The following JMJD1C variants were observed in gnomAD, a reference collection of about 807,000 sequenced individuals.
JMJD1C encodes the protein jumonji domain-containing protein 1C.
A neutral mutation model predicts 245.3 loss-of-function variants in JMJD1C; 31 were observed. The observed-to-expected ratio is 0.13, with a 90% confidence interval of 0.09 to 0.17. The LOEUF is 0.17. Among genes scored for constraint, JMJD1C ranks in the 10% least tolerant of loss-of-function variants. The pLI is 1.00. For missense variants in JMJD1C, 2,691 were observed against 3,000.2 expected (o/e 0.90, Z 2.41); for synonymous variants, 1,057 against 1,017.4 (o/e 1.04, Z -0.74).
chr10:63,317,493 G>A (rs189701701), intron 2 of JMJD1C, among the ~76,000 whole-genome samples: 1 of 152,076 alleles, frequency 6.6e-6, no homozygotes. Context: ...TTGAATGTAT[G>A]TCTCTACTGA....
At chr10:63,482,664 A>C (rs1953866455) in intron 1 of JMJD1C, among the ~76,000 whole-genome samples, 1 of 152,060 alleles carries the variant, frequency 6.6e-6, no homozygotes, top group Non-Finnish European at 1.5e-5. Context: ...AGAGAGAGAG[A>C]GACCCCAAAC....
chr10:63,377,921 C>CAAAAAA (rs11364665), intron 2 of JMJD1C, among the ~76,000 whole-genome samples: 3 of 139,682 alleles, frequency 2.1e-5, no homozygotes, highest in Non-Finnish European at 3.1e-5. Flanking sequence ...AATAGTATGG[C>CAAAAAA]AAAAAAAAAA....
intron 14 of JMJD1C, chr10:63,193,715 G>A: frequency 3.8e-6 from 1 of 264,648 alleles, no homozygotes; most frequent in Middle Eastern, 1.3e-3. Context: ...CACCCAGGCT[G>A]GAGTGCAGTG....
In JMJD1C at chr10:63,209,050, C is replaced by A. The variant is rs569189225; in HGVS notation, c.2867+13G>T. On this transcript the variant is annotated intron_variant, in intron 9 of 25. Coordinates refer to ENST00000399262, the MANE Select transcript of JMJD1C (RefSeq NM_032776.3). ...ACAAGGTATTTATAATTTTTAAGCACTGGTGAACTTACTCCTTATGATGAT... is the reference window on the plus strand; with the variant it reads ...ACAAGGTATTTATAATTTTTAAGCAATGGTGAACTTACTCCTTATGATGAT... 1.0e-5 allele frequency: 16 copies of A among 1,593,952 alleles called. No individual in the cohort carries two copies. The highest frequency in any genetic ancestry group is 1.7e-4 in the Middle Eastern group (1 of 5,970).
intron 1 of JMJD1C, among the ~76,000 whole-genome samples, chr10:63,488,333 G>GT (rs1290495711): frequency 6.6e-6 from 1 of 152,112 alleles, no homozygotes. Context: ...TGGGAAAATA[G>GT]TATTTGTAAA....
At chr10:63,386,671 G>A (rs533833864) in intron 1 of JMJD1C, among the ~76,000 whole-genome samples, 1 of 152,328 alleles carries the variant, frequency 6.6e-6, no homozygotes, top group East Asian at 1.9e-4. Flanking sequence ...CAGGCCTGGA[G>A]ACTGATTTAG....
chr10:63,253,387 CTT>C (rs199689399), intron 3 of JMJD1C, among the ~76,000 whole-genome samples: 16 of 143,966 alleles, frequency 1.1e-4, no homozygotes, highest in Admixed American at 1.4e-4. Flanking sequence ...TATATTACAC[CTT>C]TTTTTTTTTT....
At chr10:63,206,510 GCTCA>G (rs1846641845) in intron 10 of JMJD1C, 81 bp downstream of exon 10, 1 of 1,065,280 alleles carries the variant, frequency 9.4e-7, no homozygotes, top group African/African-American at 1.6e-5. Context: ...ATGCCTTTAA[GCTCA>G]CTGATCTTTA....
At chr10:63,461,817 T>C (rs1421138913) in intron 1 of JMJD1C, among the ~76,000 whole-genome samples, 3 of 152,160 alleles carry the variant, frequency 2.0e-5, no homozygotes, top group African/African-American at 7.2e-5. Context: ...GATGGGTGTA[T>C]GGATGAATGG....
intron 2 of JMJD1C, among the ~76,000 whole-genome samples, chr10:63,335,742 A>T (rs761415875): frequency 5.3e-5 from 8 of 151,942 alleles, no homozygotes; most frequent in Non-Finnish European, 1.2e-4. Flanking sequence ...AACTCCTGAC[A>T]TCAAGTGATC....
chr10:63,512,914 T>G (rs1428530731), intron 1 of JMJD1C, among the ~76,000 whole-genome samples: 1 of 152,222 alleles, frequency 6.6e-6, no homozygotes, highest in Non-Finnish European at 1.5e-5. Flanking sequence ...TTTCCAGTTT[T>G]GGAAGCTTTT....
At position 63,505,312 on chromosome 10, in the gene JMJD1C, G is replaced by A. The variant is rs1385387694; in HGVS notation, n.113+16426C>T. Among the ~76,000 whole-genome samples the A allele has an allele frequency of 8.6e-5, 11 of 128,064 alleles. No homozygotes were observed. The South Asian group carries it at 2.3e-3, about 27-fold the overall frequency. 84.0% of individuals were successfully genotyped at this position (128,064 alleles called of 152,430 possible). On this transcript the variant is annotated intron_variant and non_coding_transcript_variant, in intron 1 of 3. Transcript: ENST00000633035. ...AGCCTGGGTGACAGTAGGAGAGTCC[G>A]TCTCAAAAAAAAAAAAAAAAAAGCT...
intron 2 of JMJD1C, among the ~76,000 whole-genome samples, chr10:63,336,892 G>A (rs1050744556): frequency 6.6e-6 from 1 of 151,994 alleles, no homozygotes; most frequent in African/African-American, 2.4e-5. Flanking sequence ...TGCCCCTGGA[G>A]TGCAGTTGCG....
chr10:63,410,136 C>A (rs143642104), intron 1 of JMJD1C, among the ~76,000 whole-genome samples: 5 of 152,256 alleles, frequency 3.3e-5, no homozygotes, highest in Admixed American at 1.3e-4. Flanking sequence ...AAACTAACGA[C>A]AAGCAGACCC....
At chr10:63,277,259 C>A (rs1236188678) in intron 2 of JMJD1C, among the ~76,000 whole-genome samples, 1 of 149,722 alleles carries the variant, frequency 6.7e-6, no homozygotes, top group Non-Finnish European at 1.5e-5. Context: ...CTCGCCTCCC[C>A]GAGTGCCAGG....
intron 2 of JMJD1C, among the ~76,000 whole-genome samples, chr10:63,277,754 T>TTTTTTTTTTTTTTTTC (rs1856960131): frequency 8.9e-6 from 1 of 111,950 alleles, no homozygotes; most frequent in Non-Finnish European, 1.9e-5. Context: ...TTTTTTTTTT[T>TTTTTTTTTTTTTTTTC]TGAGACAGAG....
At chr10:63,505,187 G>A (rs138873665) in intron 1 of JMJD1C, among the ~76,000 whole-genome samples, 44 of 151,798 alleles carry the variant, frequency 2.9e-4, no homozygotes, top group African/African-American at 9.4e-4. Flanking sequence ...AATGGTGGCG[G>A]GCGCCTGTAG....
chr10:63,168,574 C>CA lies in JMJD1C; in HGVS notation c.7402-9dup. The CA allele has an allele frequency of 6.4e-7, 1 of 1,557,396 alleles. No homozygotes were observed. On this transcript the variant is annotated splice_polypyrimidine_tract_variant and intron_variant, in intron 24 of 25. Transcript: ENST00000399262. Reference sequence around the variant, plus strand: ...GCTGTGAAAATTCTGAACCTATCCCCAAAAGAAAAACCGTGAAATACAAGT... The same window carrying CA: ...GCTGTGAAAATTCTGAACCTATCCCCAAAAAGAAAAACCGTGAAATACAAGT...
At chr10:63,511,849 G>A (rs1057291579) in intron 1 of JMJD1C, among the ~76,000 whole-genome samples, 2 of 152,196 alleles carry the variant, frequency 1.3e-5, no homozygotes, top group Non-Finnish European at 2.9e-5. Context: ...TATACTCAAG[G>A]AGCCCTGGAA....
Sources: allele counts gnomAD v4.1 joint callset (sites outside exome capture counted in the v4.1 genomes callset), GRCh38; gene constraint gnomAD v4.1.1; transcripts MANE v1.5; gene names NCBI Gene and HGNC (gene_info 2026-07-23, HGNC 2026-07-21).